Variants in LIMK2 observed in about 807,000 individuals in gnomAD.
LIMK2 encodes the protein LIM domain kinase 2.
LIMK2 carries 35 observed loss-of-function variants against 75.7 expected under a neutral mutation model. The ratio of observed to expected loss-of-function variants is 0.46; its 90% CI spans 0.35 to 0.61. LIMK2 has a LOEUF of 0.61. LIMK2 is among the 20% of genes least tolerant of loss of function. The pLI is 0.00. For missense variants in LIMK2, 623 were observed against 831.0 expected (o/e 0.75, Z 3.08); for synonymous variants, 301 against 319.2 (o/e 0.94, Z 0.61).
intron 8 of LIMK2, 26 bp downstream of exon 8, chr22:31,266,158 C>T (rs2048893373): frequency 1.9e-6 from 3 of 1,609,730 alleles, no homozygotes; most frequent in African/African-American, 2.7e-5. Context: ...AATTGCTTTG[C>T]TCTTCTGCCC....
intron 2 of LIMK2, among the ~76,000 whole-genome samples, chr22:31,257,500 G>T (rs957990028): frequency 5.9e-5 from 9 of 152,010 alleles, no homozygotes; most frequent in Admixed American, 1.3e-4. Flanking sequence ...TCCTATATAA[G>T]TCAGATATCA....
chr22:31,273,281 A>T (rs2040532), intron 13 of LIMK2, among the ~76,000 whole-genome samples, 171 bp from the exon 14 acceptor site: 1 of 152,160 alleles, frequency 6.6e-6, no homozygotes, highest in Non-Finnish European at 1.5e-5. Context: ...GTTCACCTAC[A>T]GCTGAGGAAG....
chr22:31,271,345 A>G (rs985610426), intron 12 of LIMK2, 144 bp downstream of exon 12: 7 of 707,340 alleles, frequency 9.9e-6, no homozygotes, highest in Admixed American at 2.1e-5. Context: ...GCTTCTTCCA[A>G]TGCCCTTCTC....
At chr22:31,245,531 A>G (rs568833214) in intron 2 of LIMK2, among the ~76,000 whole-genome samples, 5 of 152,070 alleles carry the variant, frequency 3.3e-5, no homozygotes, top group South Asian at 4.2e-4. Context: ...CGAACTTCCA[A>G]CCTCAGGTGA....
At chr22:31,276,793 C>T (rs1472226720) in intron 15 of LIMK2, 2 of 1,608,302 alleles carry the variant, frequency 1.2e-6, no homozygotes, top group Admixed American at 1.7e-5. Context: ...TTTCAGAGCC[C>T]CCCCCGGGGC....
chr22:31,231,234 A>G (rs183511791), intron 2 of LIMK2, among the ~76,000 whole-genome samples: 1 of 152,306 alleles, frequency 6.6e-6, no homozygotes, highest in East Asian at 1.9e-4. Context: ...GTCAGATAAC[A>G]TTGAAGGGTG....
chr22:31,235,510 A>G (rs907017497), intron 2 of LIMK2, among the ~76,000 whole-genome samples: 2 of 152,168 alleles, frequency 1.3e-5, no homozygotes, highest in African/African-American at 4.8e-5. Flanking sequence ...TGTAGCTACA[A>G]TCCAGGCAGG....
chr22:31,258,714 A>T, intron 3 of LIMK2: 1 of 428,260 alleles, frequency 2.3e-6, no homozygotes. Flanking sequence ...TTACAGGCTG[A>T]GAGGAGGATA....
At chr22:31,234,081 C>T (rs866780097) in intron 2 of LIMK2, among the ~76,000 whole-genome samples, 1 of 151,966 alleles carries the variant, frequency 6.6e-6, no homozygotes, top group African/African-American at 2.4e-5. Context: ...GGCACAATTT[C>T]GGCTCACTGC....
chr22:31,272,800 CGT>C, intron 13 of LIMK2, 96 bp downstream of exon 13: 17 of 1,472,976 alleles, frequency 1.2e-5, no homozygotes, highest in Non-Finnish European at 1.5e-5. Flanking sequence ...GCCTGTGAAG[CGT>C]AGGACCGGAT....
At chr22:31,266,316 CT>C (rs1427846158) in intron 8 of LIMK2, among the ~76,000 whole-genome samples, 184 bp downstream of exon 8, 1 of 152,140 alleles carries the variant, frequency 6.6e-6, no homozygotes, top group East Asian at 1.9e-4. Context: ...GTCAATGTTG[CT>C]GTTACAGTGA....
intron 2 of LIMK2, among the ~76,000 whole-genome samples, chr22:31,237,976 A>T (rs896476779): frequency 6.6e-6 from 1 of 151,322 alleles, no homozygotes; most frequent in Non-Finnish European, 1.5e-5. Context: ...TTAGCCAGGC[A>T]TGATGGCAGG....
chr22:31,270,856 T>G (rs561371791), intron 11 of LIMK2, among the ~76,000 whole-genome samples: 82 of 152,114 alleles, frequency 5.4e-4, no homozygotes, highest in Non-Finnish European at 9.3e-4. Context: ...GTTGGGGACA[T>G]TAGGAGAGAG....
intron 2 of LIMK2, among the ~76,000 whole-genome samples, chr22:31,253,913 ACTT>A (rs1245253425): frequency 5.3e-5 from 8 of 152,220 alleles, no homozygotes; most frequent in African/African-American, 1.4e-4. Context: ...TACCATGGCA[ACTT>A]CTTAAGTGGT....
At chr22:31,270,537 T>C (rs980305834) in intron 11 of LIMK2, among the ~76,000 whole-genome samples, 1 of 152,106 alleles carries the variant, frequency 6.6e-6, no homozygotes, top group African/African-American at 2.4e-5. Flanking sequence ...AGGAAGTTGC[T>C]CCTGAGAGTG....
intron 11 of LIMK2, 23 bp from the exon 12 acceptor site, chr22:31,271,113 C>T: frequency 6.2e-7 from 1 of 1,610,092 alleles, no homozygotes; most frequent in Non-Finnish European, 8.5e-7. Flanking sequence ...GCCCTGTAGC[C>T]TCAGCTCATG....
At chr22:31,277,460 T>A in intron 15 of LIMK2, 1 of 1,125,422 alleles carries the variant, frequency 8.9e-7, no homozygotes, top group Non-Finnish European at 1.1e-6. Flanking sequence ...ACATTAGAGT[T>A]GAAATTTTCT....
intron 15 of LIMK2, among the ~76,000 whole-genome samples, chr22:31,276,553 G>A (rs1290864409): frequency 3.4e-5 from 5 of 145,780 alleles, no homozygotes; most frequent in African/African-American, 2.5e-5. Flanking sequence ...GGCTCCGCAT[G>A]CTGCAGCTGC....
intron 1 of LIMK2, among the ~76,000 whole-genome samples, chr22:31,217,262 G>GA (rs1242983391): frequency 6.6e-6 from 1 of 151,884 alleles, no homozygotes; most frequent in Non-Finnish European, 1.5e-5. Flanking sequence ...GCCGGGCATG[G>GA]GGGCAGGTGC....
Sources: gnomAD v4.1 joint callset for allele counts (sites outside exome capture counted in the v4.1 genomes callset) on GRCh38, gnomAD v4.1.1 for gene constraint, MANE v1.5 for transcripts, NCBI Gene and HGNC (gene_info 2026-07-23, HGNC 2026-07-21) for gene names.